Variants in ERICH6 observed in about 807,000 individuals in gnomAD.
The protein encoded by ERICH6 is glutamate-rich protein 6.
In ERICH6, 71 loss-of-function variants were observed where a neutral mutation model predicts 71.0. That is an observed-to-expected ratio of 1.00 (90% CI 0.83 to 1.22). The LOEUF (loss-of-function observed/expected upper bound fraction) is 1.22. Among genes scored for constraint, ERICH6 ranks in the 50% most tolerant of loss-of-function variants. The probability of loss-of-function intolerance (pLI) is 0.00; values close to 1 mark genes in which losing one functional copy is unlikely to be tolerated. For missense variants in ERICH6, 808 were observed against 797.2 expected (o/e 1.01, Z -0.16); for synonymous variants, 262 against 278.4 (o/e 0.94, Z 0.59).
rs143235660 is a variant in ERICH6, at chr3:150,686,355, C to T, written c.554-1G>A. 1.2e-3 allele frequency: 1,917 copies of T among 1,614,060 alleles called. 3 individuals are homozygous for T. The highest frequency in any genetic ancestry group is 1.5e-3 in the Non-Finnish European group (1,730 of 1,179,974). On this transcript the variant is annotated splice_acceptor_variant, in intron 3 of 13. Coordinates refer to ENST00000295910, the MANE Select transcript of ERICH6 (RefSeq NM_152394.5). LOFTEE classifies it high-confidence loss of function. Reference sequence around the variant, plus strand: ...GCTTTCTCTTTAGAGGCTTTCTTCCCTGTGAAAACAGGGTACATGTGTCAT... The same window carrying T: ...GCTTTCTCTTTAGAGGCTTTCTTCCTTGTGAAAACAGGGTACATGTGTCAT...
At chr3:150,677,504 T>A (rs998066264) in intron 10 of ERICH6, among the ~76,000 whole-genome samples, 2 of 144,588 alleles carry the variant, frequency 1.4e-5, no homozygotes, top group African/African-American at 5.7e-5. Context: ...AAAAAAAAAT[T>A]TTTTTTTTTT....
rs768204778 is a variant in ERICH6 at position 150,680,815 on chromosome 3, C to T, written c.998G>A (p.Ser333Asn). 2.5e-6 allele frequency: 4 copies of T among 1,613,190 alleles called. No homozygotes were observed. Among genetic ancestry groups the T allele is most frequent in the Non-Finnish European group, 3.4e-6 (4 of 1,179,828 alleles). Residue 333 changes from serine (S) to asparagine (N), a missense_variant, in exon 8 of 14, where the codon AGT becomes AAT. Physicochemically the swap from Ser to Asn is conservative, Grantham distance 46. Around this residue, in one of 3 missense-constraint regions of ERICH6, gnomAD observed 736 missense variants for 712.2 expected, o/e 1.03. Transcript: ENST00000295910. ...IAIDPHAAHG[S>N]EVDRLKAKEK... ...TTTTGCCTTGAGTCTGTCGACCTCA[C>T]TACCATGGGCTGCATGAGGGTCAAT...
chr3:150,670,158 A>G (rs1711497989), intron 11 of ERICH6, among the ~76,000 whole-genome samples: 1 of 152,034 alleles, frequency 6.6e-6, no homozygotes, highest in African/African-American at 2.4e-5. Flanking sequence ...AAAAATGTCC[A>G]CTCTTACTAC....
chr3:150,700,811 T>G (rs1712844361), intron 2 of ERICH6, among the ~76,000 whole-genome samples: 1 of 152,204 alleles, frequency 6.6e-6, no homozygotes, highest in Non-Finnish European at 1.5e-5. Context: ...CTTGAACTCC[T>G]GACCTCGTGA....
At chr3:150,694,138 A>T (rs1292005498) in intron 3 of ERICH6, among the ~76,000 whole-genome samples, 1 of 152,132 alleles carries the variant, frequency 6.6e-6, no homozygotes, top group African/African-American at 2.4e-5. Flanking sequence ...TTCATAGGAC[A>T]TGAGACTTCA....
At chr3:150,664,023 G>A (rs1383785960) in intron 13 of ERICH6, among the ~76,000 whole-genome samples, 3 of 151,896 alleles carry the variant, frequency 2.0e-5, no homozygotes, top group Non-Finnish European at 2.9e-5. Flanking sequence ...ACAAGCTCTG[G>A]GTTCCTCCAA....
chr3:150,666,743 T>C (rs1413558493), intron 13 of ERICH6, 44 bp downstream of exon 13: 1 of 1,537,764 alleles, frequency 6.5e-7, no homozygotes. Flanking sequence ...TTTACTCTTA[T>C]TATTATTCTA....
At chr3:150,673,370 G>C (rs1711535539) in intron 11 of ERICH6, among the ~76,000 whole-genome samples, 1 of 151,794 alleles carries the variant, frequency 6.6e-6, no homozygotes, top group African/African-American at 2.4e-5. Flanking sequence ...CTTATTTTTT[G>C]TAGAGATGAG....
intron 3 of ERICH6, among the ~76,000 whole-genome samples, chr3:150,698,097 C>G (rs1319563871): frequency 6.6e-6 from 1 of 152,208 alleles, no homozygotes; most frequent in African/African-American, 2.4e-5. Context: ...ACCCCCGACA[C>G]TTTCCAACCC....
intron 1 of ERICH6, among the ~76,000 whole-genome samples, chr3:150,702,996 G>GAGAA (rs10591523): frequency 1.9e-5 from 1 of 53,176 alleles, no homozygotes; most frequent in Admixed American, 2.0e-4. Context: ...AGGGGGAACA[G>GAGAA]AGAGAGAGAG....
intron 13 of ERICH6, among the ~76,000 whole-genome samples, chr3:150,663,770 G>A (rs527823760): frequency 3.3e-5 from 5 of 152,186 alleles, no homozygotes; most frequent in South Asian, 4.2e-4. Context: ...AAGCCACCGC[G>A]CCTGGCCTGT....
chr3:150,685,915 C>T lies in ERICH6; in HGVS notation c.666+51G>A, dbSNP rs773309901. On this transcript the variant is annotated intron_variant, in intron 5 of 13. Coordinates refer to ENST00000295910, the MANE Select transcript of ERICH6 (RefSeq NM_152394.5). ...GGAAATAATTGAAGATTTGATAAGC[C>T]ATTTTTACTATGAGAACAGTGTACT... 3.1e-6 allele frequency: 5 copies of T among 1,600,792 alleles called. No individual in the cohort carries two copies. In the East Asian group the frequency reaches 1.1e-4, roughly 36 times the overall value.
At chr3:150,687,057 G>A (rs1712224444) in intron 3 of ERICH6, among the ~76,000 whole-genome samples, 9 of 152,190 alleles carry the variant, frequency 5.9e-5, no homozygotes, top group Admixed American at 5.2e-4. Context: ...TGTAGAACCT[G>A]GGAGGCAGAG....
At chr3:150,700,241 A>AT (rs34624356) in intron 2 of ERICH6, among the ~76,000 whole-genome samples, 5,967 of 110,914 alleles carry the variant, frequency 0.054, 250 homozygotes, top group African/African-American at 0.13. Flanking sequence ...TGCCCGGCTA[A>AT]TTTTTTTTTT....
chr3:150,677,457 A>G lies in ERICH6; in HGVS notation c.1257+952T>C, dbSNP rs78756446. 3.7e-3 allele frequency among the ~76,000 whole-genome samples: 562 copies of G among 151,902 alleles called. 1 individual carries two copies. The highest frequency in any genetic ancestry group is 0.011 in the South Asian group (51 of 4,822). On this transcript the variant is annotated intron_variant, in intron 10 of 13. Transcript: ENST00000295910. ...AAACTACATGATAAATTATATAGCT[A>G]TGAAAATAATATTAATGTAAACTAT... is the stretch of plus-strand genomic sequence containing the variant.
chr3:150,660,588 T>A (rs1024029951), intron 13 of ERICH6, among the ~76,000 whole-genome samples: 2 of 152,094 alleles, frequency 1.3e-5, no homozygotes, highest in South Asian at 4.1e-4. Context: ...CCTTTCCTGC[T>A]CCTAAATGTG....
intron 10 of ERICH6, among the ~76,000 whole-genome samples, chr3:150,674,774 C>T (rs1027340350): frequency 1.3e-5 from 2 of 151,894 alleles, no homozygotes; most frequent in African/African-American, 4.8e-5. Context: ...ATGGATTGCT[C>T]ATATTTTCTA....
intron 3 of ERICH6, among the ~76,000 whole-genome samples, chr3:150,688,241 A>G (rs1265491045): frequency 6.6e-6 from 1 of 152,228 alleles, no homozygotes; most frequent in Admixed American, 6.5e-5. Context: ...CTTTCTCTAT[A>G]GAAATGCCAG....
At position 150,702,437 on chromosome 3, in the gene ERICH6, C is replaced by T. The variant is rs562547065; in HGVS notation, c.404-259G>A. Among the ~76,000 whole-genome samples, 182 of 152,102 alleles carry T rather than the reference C, an allele frequency of 1.2e-3. 2 individuals carry two copies. The highest frequency in any genetic ancestry group is 1.0e-3 in the Non-Finnish European group (68 of 68,004). On this transcript the variant is annotated intron_variant, in intron 1 of 13. Coordinates refer to ENST00000295910, the MANE Select transcript of ERICH6 (RefSeq NM_152394.5). ...GACTACAGGCGCACGCCGCCACGCC[C>T]GGCTAATTTTTTGTATTTTTAGTAG...
Sources: gnomAD v4.1 joint callset for allele counts (sites outside exome capture counted in the v4.1 genomes callset) on GRCh38, gnomAD v4.1.1 for gene constraint, gnomAD v4.1.1 regional missense constraint, MANE v1.5 for transcripts, NCBI Gene and HGNC (gene_info 2026-07-23, HGNC 2026-07-21) for gene names.